Variants in SH3TC2 observed in about 807,000 individuals in gnomAD.
SH3TC2 encodes the protein SH3 domain and tetratricopeptide repeats 2, also known as SH3 domain and tetratricopeptide repeat-containing protein 2.
Under a neutral mutation model 124.5 loss-of-function variants are expected in SH3TC2, and 87 were observed. That is an observed-to-expected ratio of 0.70 (90% CI 0.59 to 0.84). SH3TC2 has a LOEUF of 0.84. SH3TC2 is among the 40% of genes least tolerant of loss of function. The pLI, the probability that SH3TC2 is intolerant of heterozygous loss-of-function variation, is 0.00. For synonymous variants in SH3TC2, 634 were observed against 628.5 expected (o/e 1.01, Z -0.13); for missense variants, 1,536 against 1,566.4 (o/e 0.98, Z 0.33).
At chr5:149,046,658 C>CT in intron 3 of SH3TC2, 1 of 152,316 alleles carries the variant, frequency 6.6e-6, no homozygotes, top group East Asian at 1.9e-4. Context: ...ATCTAGCTGA[C>CT]TCCAGGCCTC....
chr5:149,004,975 C>G, intron 16 of SH3TC2, 73 bp from the exon 17 acceptor site: 1 of 1,555,854 alleles, frequency 6.4e-7, no homozygotes, highest in East Asian at 2.2e-5. Flanking sequence ...GGAGGCTGTG[C>G]TGGCCACTCT....
Position 149,042,773 on chromosome 5 carries a change from C to G in SH3TC2, c.450G>C (p.Leu150Phe), listed in dbSNP as rs542260900. The G allele has an allele frequency of 5.6e-6, 9 of 1,614,018 alleles. No individual in the cohort carries two copies. Among genetic ancestry groups the G allele is most frequent in the Non-Finnish European group, 5.9e-6 (7 of 1,180,020 alleles). ...ACACTTGGATCTCTGTATCCTCCAC[C>G]AATATGCAGTTGAGCCAGTACTTGT... ...FDHKYWLNCILVEDTEIQVSV... is the reference protein window; with the variant it reads ...FDHKYWLNCIFVEDTEIQVSV... The change falls in exon 5 of 17, where the codon TTG becomes TTC. Residue 150 changes from leucine to phenylalanine, a missense_variant. Physicochemically the swap from Leu to Phe is conservative, Grantham distance 22. This residue lies in a region of SH3TC2 where 1,102 missense variants were observed against 1,098.6 expected (regional missense o/e 1.00). Coordinates refer to ENST00000515425, the MANE Select transcript of SH3TC2 (RefSeq NM_024577.4).
At position 148,995,071 on chromosome 5, in the gene SH3TC2, G is replaced by A. The variant is rs1281428667; in HGVS notation, c.*9640C>T. 1.3e-5 allele frequency among the ~76,000 whole-genome samples: 2 copies of A among 152,110 alleles called. No homozygotes were observed. Among genetic ancestry groups the A allele is most frequent in the Admixed American group, 6.5e-5 (1 of 15,268 alleles). On this transcript the variant is annotated 3_prime_UTR_variant, in exon 17 of 17. Transcript: ENST00000515425. Reference sequence around the variant, plus strand: ...GAAGGGATTTCCTGTGGTATTTGGTGCAATAAGGCTTATATAAGCCAAGGT... The same window carrying A: ...GAAGGGATTTCCTGTGGTATTTGGTACAATAAGGCTTATATAAGCCAAGGT...
At position 149,038,314 on chromosome 5, in the gene SH3TC2, G is replaced by C; in HGVS notation, c.982C>G (p.Pro328Ala). The change falls in exon 8 of 17, where the codon CCT (proline) becomes GCT (alanine). Residue 328 changes from proline (P) to alanine (A), a missense_variant. This residue lies in a region of SH3TC2 where 1,102 missense variants were observed against 1,098.6 expected (regional missense o/e 1.00). Coordinates refer to ENST00000515425, the MANE Select transcript of SH3TC2 (RefSeq NM_024577.4). The stretch of plus-strand genomic sequence containing the variant: ...ACTCACATTGGGGAATAAGAATCAG[G>C]ATCTATGTTCCTGGTGGGGACAAAG... Reference protein sequence around the residue: ...VGFVPTRNIDPDSYSPMSRNS... With the variant: ...VGFVPTRNIDADSYSPMSRNS... 1.2e-6 allele frequency: 2 copies of C among 1,614,092 alleles called. No homozygotes were observed. Among genetic ancestry groups the C allele is most frequent in the Non-Finnish European group, 1.7e-6 (2 of 1,179,954 alleles).
intron 12 of SH3TC2, among the ~76,000 whole-genome samples, chr5:149,015,100 GA>G (rs750507329): frequency 2.0e-5 from 3 of 152,224 alleles, no homozygotes; most frequent in Non-Finnish European, 4.4e-5. Flanking sequence ...GACTGTGGAA[GA>G]GAGGAGATCT....
intron 4 of SH3TC2, among the ~76,000 whole-genome samples, 175 bp from the exon 5 acceptor site, chr5:149,043,012 G>A (rs1754398717): frequency 6.6e-6 from 1 of 152,224 alleles, no homozygotes; most frequent in South Asian, 2.1e-4. Context: ...TCTAGAATGA[G>A]TTGAGTCTTC....
Position 149,000,436 on chromosome 5 carries a change from C to T in SH3TC2, c.*4275G>A, listed in dbSNP as rs1349504905. Among the ~76,000 whole-genome samples, 8 of 152,192 alleles carry T rather than the reference C, an allele frequency of 5.3e-5. No individual in the cohort carries two copies. ...GGGTGCTTGCAATGAGCAACAGGAC[C>T]TAGCTTGAAGTTAATGCATTATTTT... On this transcript the variant is annotated 3_prime_UTR_variant, in exon 17 of 17. Transcript: ENST00000515425.
chr5:148,984,854 C>T lies in SH3TC2; in HGVS notation c.*19857G>A, dbSNP rs1007127932. Among the ~76,000 whole-genome samples, 3 of 152,126 alleles carry T rather than the reference C, an allele frequency of 2.0e-5. No individual in the cohort carries two copies. Among genetic ancestry groups the T allele is most frequent in the African/African-American group, 7.2e-5 (3 of 41,412 alleles). On this transcript the variant is annotated 3_prime_UTR_variant, in exon 17 of 17. Coordinates refer to ENST00000515425, the MANE Select transcript of SH3TC2 (RefSeq NM_024577.4). Reference sequence around the variant, plus strand: ...TATGTACTCCACTCACTTCTTTGACCTCAAATAATTTGTAATCTGCAAATA... The same window carrying T: ...TATGTACTCCACTCACTTCTTTGACTTCAAATAATTTGTAATCTGCAAATA...
rs746354587 is a variant in SH3TC2, at chr5:148,987,279, T to C, written c.*17432A>G. On this transcript the variant is annotated 3_prime_UTR_variant, in exon 17 of 17. Coordinates refer to ENST00000515425, the MANE Select transcript of SH3TC2 (RefSeq NM_024577.4). ...GTTCTATCTGTCACCATTGGGAATG[T>C]TCAGGAATATTCTCATTGGATTGCA... is the stretch of plus-strand genomic sequence containing the variant. 1.1e-4 allele frequency among the ~76,000 whole-genome samples: 16 copies of C among 152,224 alleles called. No homozygotes were observed. The highest frequency in any genetic ancestry group is 3.9e-4 in the Admixed American group (6 of 15,288).
At chr5:149,050,887 T>C (rs1361856330) in intron 2 of SH3TC2, among the ~76,000 whole-genome samples, 1 of 152,204 alleles carries the variant, frequency 6.6e-6, no homozygotes, top group Non-Finnish European at 1.5e-5. Context: ...AGGAGCATTG[T>C]AGTTTTGAAC....
At chr5:149,051,104 T>C (rs923432926) in intron 2 of SH3TC2, among the ~76,000 whole-genome samples, 6 of 152,240 alleles carry the variant, frequency 3.9e-5, no homozygotes, top group African/African-American at 1.4e-4. Flanking sequence ...TCAAGTCTTC[T>C]ACAGGTTTGT....
intron 12 of SH3TC2, chr5:149,026,151 T>C (rs758884506): frequency 3.8e-5 from 7 of 185,676 alleles, no homozygotes; most frequent in Non-Finnish European, 6.9e-5. Flanking sequence ...GGTTCTTCTG[T>C]CCTTGGTATA....
rs1166046585 is a variant in SH3TC2, at chr5:148,994,063, T to A, written c.*10648A>T. 6.6e-6 allele frequency among the ~76,000 whole-genome samples: 1 copy of A among 152,218 alleles called. No homozygotes were observed. The highest frequency in any genetic ancestry group is 1.5e-5 in the Non-Finnish European group (1 of 68,022). The stretch of plus-strand genomic sequence containing the variant: ...CTGAGGTCACACATTTCATAAGCAG[T>A]GGAGCTGTTCAGTCTACTACCATGC... On this transcript the variant is annotated 3_prime_UTR_variant, in exon 17 of 17. Transcript: ENST00000515425.
rs1404459999 is a variant in SH3TC2 at position 148,991,268 on chromosome 5, C to A, written c.*13443G>T. Among the ~76,000 whole-genome samples the A allele has an allele frequency of 2.0e-5, 3 of 152,192 alleles. No individual in the cohort carries two copies. The highest frequency in any genetic ancestry group is 7.2e-5 in the African/African-American group (3 of 41,460). The stretch of plus-strand genomic sequence containing the variant: ...AGAGTGAATATACTGCAAGAATGTA[C>A]TTCCTGCAGCTGAAACCAGCAGGGC... On this transcript the variant is annotated 3_prime_UTR_variant, in exon 17 of 17. Transcript: ENST00000515425.
chr5:149,016,589 C>A (rs1286617033), intron 12 of SH3TC2, among the ~76,000 whole-genome samples: 1 of 152,110 alleles, frequency 6.6e-6, no homozygotes, highest in Non-Finnish European at 1.5e-5. Context: ...TAAAACGTAG[C>A]ACTTTTTTCA....
rs1753911667 is a variant in SH3TC2 at position 149,018,459 on chromosome 5, T to TCATGGCAGAAGGTGAAAAGCACGTCTTA, written c.3054-5753_3054-5726dup. Among the ~76,000 whole-genome samples, 3 of 152,180 alleles carry TCATGGCAGAAGGTGAAAAGCACGTCTTA rather than the reference T, an allele frequency of 2.0e-5. No homozygotes were observed. The East Asian group carries it at 5.8e-4, about 29-fold the overall frequency. ...CCATGTGGCTGGGAAGGCCTCACAA[T>TCATGGCAGAAGGTGAAAAGCACGTCTTA]CATGGCAGAAGGTGAAAAGCACGTC... On this transcript the variant is annotated intron_variant, in intron 12 of 16. Transcript: ENST00000515425.
chr5:149,061,337 G>C (rs1001830962), intron 1 of SH3TC2, among the ~76,000 whole-genome samples: 5 of 152,138 alleles, frequency 3.3e-5, no homozygotes, highest in African/African-American at 1.2e-4. Context: ...AGGAATGAGG[G>C]AACATGAGCA....
At chr5:149,007,984 G>A (rs1375733471) in intron 15 of SH3TC2, 3 of 152,544 alleles carry the variant, frequency 2.0e-5, no homozygotes, top group Non-Finnish European at 2.9e-5. Context: ...GAACTGCCTG[G>A]GGCCTCCAAG....
chr5:149,009,992 A>C (rs775240512), intron 14 of SH3TC2, among the ~76,000 whole-genome samples: 3 of 152,200 alleles, frequency 2.0e-5, no homozygotes, highest in Non-Finnish European at 4.4e-5. Context: ...CATGCACCCA[A>C]GAGTCTGAGA....
Sources: gnomAD v4.1 joint callset for allele counts (sites outside exome capture counted in the v4.1 genomes callset) on GRCh38, gnomAD v4.1.1 for gene constraint, gnomAD v4.1.1 regional missense constraint, MANE v1.5 for transcripts, NCBI Gene and HGNC (gene_info 2026-07-23, HGNC 2026-07-21) for gene names.